The following NCOA1 variants were observed in gnomAD, a reference collection of about 807,000 sequenced individuals.
The protein encoded by NCOA1 is nuclear receptor coactivator 1.
NCOA1 carries 35 observed loss-of-function variants against 150.9 expected under a neutral mutation model. That is an observed-to-expected ratio of 0.23 (90% CI 0.18 to 0.31). NCOA1 has a LOEUF of 0.31. NCOA1 is among the 10% of genes least tolerant of loss of function. NCOA1 has a pLI of 1.00. For missense variants in NCOA1, 1,491 were observed against 1,749.3 expected (o/e 0.85, Z 2.63); for synonymous variants, 590 against 630.0 (o/e 0.94, Z 0.95).
At chr2:24,715,363 T>C (rs1414104647) in intron 14 of NCOA1, among the ~76,000 whole-genome samples, 1 of 152,152 alleles carries the variant, frequency 6.6e-6, no homozygotes, top group African/African-American at 2.4e-5. Context: ...ACAGTAATAG[T>C]ACCAAAAATG....
intron 1 of NCOA1, among the ~76,000 whole-genome samples, chr2:24,507,700 T>A (rs905607833): frequency 4.6e-5 from 7 of 152,124 alleles, no homozygotes; most frequent in Non-Finnish European, 7.4e-5. Flanking sequence ...TTTGACCAGC[T>A]GGTTCACTTG....
At chr2:24,533,208 G>C (rs911685750) in intron 1 of NCOA1, among the ~76,000 whole-genome samples, 2 of 152,062 alleles carry the variant, frequency 1.3e-5, no homozygotes, top group African/African-American at 4.8e-5. Flanking sequence ...TATTCTCTTT[G>C]TAGCAATTGT....
At chr2:24,727,810 G>C (rs540793317) in intron 15 of NCOA1, among the ~76,000 whole-genome samples, 21 of 152,124 alleles carry the variant, frequency 1.4e-4, no homozygotes, top group African/African-American at 5.1e-4. Flanking sequence ...TTTGTAAATG[G>C]TAATCATGTC....
intron 3 of NCOA1, among the ~76,000 whole-genome samples, chr2:24,637,753 T>G (rs1013869281): frequency 2.6e-5 from 4 of 152,188 alleles, no homozygotes; most frequent in African/African-American, 9.7e-5. Context: ...TGGAGTGCAA[T>G]GGCATGATTT....
At chr2:24,510,540 C>G (rs1319077726) in intron 1 of NCOA1, among the ~76,000 whole-genome samples, 2 of 151,766 alleles carry the variant, frequency 1.3e-5, no homozygotes, top group Non-Finnish European at 2.9e-5. Context: ...ATGGGTTCTC[C>G]CTGTGTTGCC....
intron 1 of NCOA1, among the ~76,000 whole-genome samples, chr2:24,551,168 C>T (rs1301045620): frequency 6.6e-6 from 1 of 151,130 alleles, no homozygotes; most frequent in Non-Finnish European, 1.5e-5. Context: ...ACACTGGATG[C>T]TCTATCCAGG....
chr2:24,690,650 TCAAAAAAAAAA>T (rs1672622538), intron 8 of NCOA1, among the ~76,000 whole-genome samples: 1 of 5,672 alleles, frequency 1.8e-4, no homozygotes, highest in African/African-American at 3.1e-4. Flanking sequence ...AGATTCCATC[TCAAAAAAAAAA>T]AAAAAAAAAA....
At chr2:24,681,410 T>C (rs937716935) in intron 7 of NCOA1, among the ~76,000 whole-genome samples, 1 of 152,180 alleles carries the variant, frequency 6.6e-6, no homozygotes, top group Non-Finnish European at 1.5e-5. Context: ...CAGAAAATGC[T>C]CTAAGATTTT....
At chr2:24,707,930 T>A in intron 13 of NCOA1, 42 bp downstream of exon 13, 2 of 1,479,000 alleles carry the variant, frequency 1.4e-6, no homozygotes, top group Non-Finnish European at 1.8e-6. Flanking sequence ...TTCTTAGTAA[T>A]TTTTTTTTTC....
At chr2:24,765,928 TGC>T (rs1665041648) in intron 22 of NCOA1, among the ~76,000 whole-genome samples, 12 of 147,552 alleles carry the variant, frequency 8.1e-5, no homozygotes, top group Non-Finnish European at 1.0e-4. Context: ...GACGGAGTCT[TGC>T]TTTGTCGTTG....
At chr2:24,606,481 C>T (rs1323502548) in intron 3 of NCOA1, among the ~76,000 whole-genome samples, 1 of 152,230 alleles carries the variant, frequency 6.6e-6, no homozygotes, top group Admixed American at 6.5e-5. Flanking sequence ...AGGTCATCCA[C>T]CCGCCTCAGC....
At chr2:24,714,645 T>G (rs1379204199) in intron 14 of NCOA1, among the ~76,000 whole-genome samples, 1 of 151,878 alleles carries the variant, frequency 6.6e-6, no homozygotes, top group Non-Finnish European at 1.5e-5. Flanking sequence ...CTACTCAAAT[T>G]AGAGGAGAAA....
intron 7 of NCOA1, among the ~76,000 whole-genome samples, chr2:24,681,280 C>A (rs1165723915): frequency 6.6e-6 from 1 of 152,152 alleles, no homozygotes. Context: ...AGGAGTATCA[C>A]TTGAATCCAG....
intron 3 of NCOA1, among the ~76,000 whole-genome samples, chr2:24,603,751 C>T (rs925097570): frequency 6.6e-6 from 1 of 152,190 alleles, no homozygotes; most frequent in African/African-American, 2.4e-5. Context: ...GTCTTGAACT[C>T]ATAAAAGTCA....
At chr2:24,722,565 G>C (rs1195602534) in intron 14 of NCOA1, among the ~76,000 whole-genome samples, 1 of 152,114 alleles carries the variant, frequency 6.6e-6, no homozygotes, top group Non-Finnish European at 1.5e-5. Flanking sequence ...CTGTGGACTG[G>C]TTGAGATAGT....
chr2:24,594,930 T>C (rs1667827142), intron 3 of NCOA1, among the ~76,000 whole-genome samples: 1 of 152,112 alleles, frequency 6.6e-6, no homozygotes, highest in Non-Finnish European at 1.5e-5. Context: ...TAGTTTTGTG[T>C]TTTTATTAAA....
intron 3 of NCOA1, among the ~76,000 whole-genome samples, chr2:24,590,170 C>T (rs1004511424): frequency 1.3e-5 from 2 of 152,030 alleles, no homozygotes; most frequent in Non-Finnish European, 2.9e-5. Flanking sequence ...TTAACTATTT[C>T]TTTCTCTTTT....
chr2:24,591,590 A>G (rs1193283896), intron 3 of NCOA1, among the ~76,000 whole-genome samples: 2 of 152,084 alleles, frequency 1.3e-5, no homozygotes, highest in Non-Finnish European at 2.9e-5. Flanking sequence ...GGGGCTTTTA[A>G]AAAATAGTTC....
chr2:24,729,400 A>C, intron 16 of NCOA1, 101 bp from the exon 17 acceptor site: 1 of 1,157,862 alleles, frequency 8.6e-7, no homozygotes, highest in African/African-American at 1.6e-5. Flanking sequence ...GGAGAGCATG[A>C]ATTCAGAATG....
Sources: allele counts gnomAD v4.1 joint callset (sites outside exome capture counted in the v4.1 genomes callset), GRCh38; gene constraint gnomAD v4.1.1; transcripts MANE v1.5; gene names NCBI Gene and HGNC (gene_info 2026-07-23, HGNC 2026-07-21).